The following RFX3 variants were observed in gnomAD, a reference collection of about 807,000 sequenced individuals.
RFX3 encodes transcription factor RFX3.
A neutral mutation model predicts 98.6 loss-of-function variants in RFX3; 14 were observed. The observed-to-expected ratio is 0.14, with a 90% CI of 0.09 to 0.22. The LOEUF is 0.22. RFX3 is among the 10% of genes least tolerant of loss of function. The pLI is 1.00. For missense variants in RFX3, 639 were observed against 926.9 expected, an observed-to-expected ratio of 0.69 and a Z score of 4.03; for synonymous variants, 383 against 328.4, an observed-to-expected ratio of 1.17 and a Z score of -1.80.
intron 2 of RFX3, among the ~76,000 whole-genome samples, chr9:3,386,581 T>C (rs559421267): frequency 4.6e-5 from 7 of 152,184 alleles, no homozygotes; most frequent in Admixed American, 4.6e-4. Context: ...AAAATCTGCT[T>C]CCCTTTATGA....
At chr9:3,271,166 G>A in intron 9 of RFX3, 48 bp from the exon 10 acceptor site, 2 of 1,507,632 alleles carry the variant, frequency 1.3e-6, no homozygotes, top group Middle Eastern at 1.7e-4. Context: ...TTATTTACGG[G>A]ACTGTGTGAG....
At chr9:3,507,458 T>A (rs1219760707) in intron 1 of RFX3, among the ~76,000 whole-genome samples, 1 of 151,920 alleles carries the variant, frequency 6.6e-6, no homozygotes, top group Non-Finnish European at 1.5e-5. Context: ...AGGTTGATTT[T>A]ATTAATCCTA....
At chr9:3,303,907 A>C (rs77681340) in intron 4 of RFX3, among the ~76,000 whole-genome samples, 2,438 of 152,164 alleles carry the variant, frequency 0.016, 64 homozygotes, top group African/African-American at 0.055. Flanking sequence ...TGTAACACAG[A>C]TAACAAAAGG....
chr9:3,378,356 A>T (rs1252741438), intron 2 of RFX3, among the ~76,000 whole-genome samples: 1 of 152,194 alleles, frequency 6.6e-6, no homozygotes, highest in Non-Finnish European at 1.5e-5. Flanking sequence ...TTAGTTTAAA[A>T]TCAGACTACA....
intron 4 of RFX3, among the ~76,000 whole-genome samples, chr9:3,329,683 A>C (rs1454965337): frequency 6.6e-6 from 1 of 152,144 alleles, no homozygotes; most frequent in African/African-American, 2.4e-5. Context: ...ATTAGGAAAA[A>C]ATTACACACG....
chr9:3,352,598 A>G (rs1287176010), intron 2 of RFX3, among the ~76,000 whole-genome samples: 1 of 152,112 alleles, frequency 6.6e-6, no homozygotes, highest in Non-Finnish European at 1.5e-5. Context: ...TTGAAAGATT[A>G]TAAGACTTCC....
At chr9:3,321,866 G>A (rs1185068117) in intron 4 of RFX3, among the ~76,000 whole-genome samples, 1 of 151,964 alleles carries the variant, frequency 6.6e-6, no homozygotes, top group Non-Finnish European at 1.5e-5. Flanking sequence ...ATATTCAGTT[G>A]TTCCAAATAT....
At chr9:3,477,718 T>A (rs1464455966) in intron 1 of RFX3, among the ~76,000 whole-genome samples, 1 of 152,222 alleles carries the variant, frequency 6.6e-6, no homozygotes, top group Non-Finnish European at 1.5e-5. Context: ...TGGAAAGTTT[T>A]CTGCCATTTT....
At chr9:3,270,962 C>T (rs757246127) in intron 10 of RFX3, 41 bp downstream of exon 10, 2 of 1,613,302 alleles carry the variant, frequency 1.2e-6, no homozygotes, top group Non-Finnish European at 1.7e-6. Flanking sequence ...GTGACATCTA[C>T]TCAGCCATGA....
intron 9 of RFX3, among the ~76,000 whole-genome samples, chr9:3,274,797 G>T (rs757637204): frequency 1.3e-5 from 2 of 151,708 alleles, no homozygotes. Context: ...CCTTCACAAA[G>T]GCAACCACTG....
intron 15 of RFX3, among the ~76,000 whole-genome samples, chr9:3,245,455 G>A (rs1820536151): frequency 6.6e-6 from 1 of 152,158 alleles, no homozygotes. Flanking sequence ...TAACACAAGG[G>A]AAAGTCACTG....
At chr9:3,267,303 T>A (rs1823776194) in intron 11 of RFX3, among the ~76,000 whole-genome samples, 1 of 151,918 alleles carries the variant, frequency 6.6e-6, no homozygotes, top group Non-Finnish European at 1.5e-5. Context: ...GGGGTAGGTA[T>A]CAACATATGC....
intron 1 of RFX3, among the ~76,000 whole-genome samples, chr9:3,486,948 T>C (rs1473712218): frequency 2.0e-5 from 3 of 152,200 alleles, no homozygotes; most frequent in Non-Finnish European, 4.4e-5. Flanking sequence ...GACTCTAGAA[T>C]TCTACAATAT....
chr9:3,280,100 T>G (rs1369094363), intron 7 of RFX3, among the ~76,000 whole-genome samples: 1 of 151,738 alleles, frequency 6.6e-6, no homozygotes, highest in Non-Finnish European at 1.5e-5. Flanking sequence ...GCACGGTGAA[T>G]AGTGGATTGA....
intron 1 of RFX3, among the ~76,000 whole-genome samples, chr9:3,431,843 T>C (rs1283875578): frequency 1.3e-5 from 2 of 152,164 alleles, no homozygotes; most frequent in Non-Finnish European, 2.9e-5. Flanking sequence ...AGCATATCTC[T>C]TATGAACAGG....
At chr9:3,525,495 G>GCAGGGC (rs1175929036) in intron 1 of RFX3, among the ~76,000 whole-genome samples, 2 of 151,854 alleles carry the variant, frequency 1.3e-5, no homozygotes, top group East Asian at 3.9e-4. Context: ...TGCGGCCGGC[G>GCAGGGC]CAGGGCCGGG....
chr9:3,349,268 T>C (rs1203092813), intron 2 of RFX3, among the ~76,000 whole-genome samples: 1 of 152,008 alleles, frequency 6.6e-6, no homozygotes, highest in East Asian at 1.9e-4. Context: ...AATAAAAATA[T>C]CATATTACTA....
At chr9:3,271,917 C>T (rs529821224) in intron 9 of RFX3, among the ~76,000 whole-genome samples, 2 of 152,236 alleles carry the variant, frequency 1.3e-5, no homozygotes, top group East Asian at 3.9e-4. Flanking sequence ...AATCCTACCT[C>T]TGCATACCTC....
chr9:3,446,277 G>T (rs10758256), intron 1 of RFX3, among the ~76,000 whole-genome samples: 61,818 of 151,864 alleles, frequency 0.41, 17,987 homozygotes, highest in African/African-American at 0.79. Flanking sequence ...TAACTATACC[G>T]TATTAATTTA....
Sources: allele counts gnomAD v4.1 joint callset (sites outside exome capture counted in the v4.1 genomes callset), GRCh38; gene constraint gnomAD v4.1.1; transcripts MANE v1.5; gene names NCBI Gene and HGNC (gene_info 2026-07-23, HGNC 2026-07-21).